The following ADCY5 variants were observed in gnomAD, a reference collection of about 807,000 sequenced individuals.
ADCY5 encodes adenylate cyclase 5, also known as adenylate cyclase type 5.
ADCY5 carries 30 observed loss-of-function variants against 119.7 expected under a neutral mutation model. The ratio of observed to expected loss-of-function variants is 0.25; its 90% confidence interval spans 0.19 to 0.34. The LOEUF is 0.34. ADCY5 is among the 10% of genes least tolerant of loss of function. The pLI, the probability that ADCY5 is intolerant of heterozygous loss-of-function variation, is 1.00. For synonymous variants in ADCY5, 753 were observed against 762.2 expected (o/e 0.99, Z 0.20); for missense variants, 1,324 against 1,775.2 (o/e 0.75, Z 4.57).
Position 123,330,979 on chromosome 3 carries a change from C to G in ADCY5, c.1556G>C (p.Cys519Ser). 1 of 1,614,002 alleles carries G rather than the reference C, an allele frequency of 6.2e-7. No homozygotes were observed. The highest frequency in any genetic ancestry group is 8.5e-7 in the Non-Finnish European group (1 of 1,179,874). The change falls in exon 5 of 21, where the codon TGT becomes TCT. Residue 519 changes from cysteine to serine, a missense_variant. By Grantham distance (112) the Cys-to-Ser change is moderately radical. Coordinates refer to ENST00000462833, the MANE Select transcript of ADCY5 (RefSeq NM_183357.3). ...HCLRIKILGD[C>S]YYCVSGLPEA... ...AGGCAGCCCCGAGACGCAGTAATAACAATCCCCAAGGATCTTAATACGTAA... is the reference window on the plus strand; with the variant it reads ...AGGCAGCCCCGAGACGCAGTAATAAGAATCCCCAAGGATCTTAATACGTAA...
chr3:123,438,353 CAT>C (rs1491081265), intron 1 of ADCY5, among the ~76,000 whole-genome samples: 5 of 152,126 alleles, frequency 3.3e-5, no homozygotes, highest in African/African-American at 4.8e-5. Flanking sequence ...TGACACACAC[CAT>C]GTGTGTGTAA....
intron 1 of ADCY5, among the ~76,000 whole-genome samples, chr3:123,356,353 G>C (rs1184310906): frequency 6.6e-6 from 1 of 152,142 alleles, no homozygotes; most frequent in Non-Finnish European, 1.5e-5. Flanking sequence ...TCAAGAATGT[G>C]AAAATACAAC....
chr3:123,336,166 C>T (rs984447345), intron 3 of ADCY5, among the ~76,000 whole-genome samples: 1 of 152,208 alleles, frequency 6.6e-6, no homozygotes, highest in African/African-American at 2.4e-5. Flanking sequence ...ACTATGCTGG[C>T]GTGTGCATGC....
intron 1 of ADCY5, among the ~76,000 whole-genome samples, chr3:123,401,661 G>C (rs1944757429): frequency 6.6e-6 from 1 of 152,112 alleles, no homozygotes; most frequent in African/African-American, 2.4e-5. Flanking sequence ...GAGAAGCTGG[G>C]ATCCCTCCTG....
At chr3:123,293,446 T>TA in intron 17 of ADCY5, among the ~76,000 whole-genome samples, 1 of 151,988 alleles carries the variant, frequency 6.6e-6, no homozygotes, top group South Asian at 2.1e-4. Context: ...GATGGGAAAA[T>TA]GAGGGACCTG....
chr3:123,330,055 C>A (rs912627820), intron 5 of ADCY5, among the ~76,000 whole-genome samples: 2 of 152,222 alleles, frequency 1.3e-5, no homozygotes, highest in African/African-American at 4.8e-5. Context: ...TGCCTTGTAT[C>A]TGAGCACCAG....
At chr3:123,368,752 C>CAAAA (rs34756449) in intron 1 of ADCY5, among the ~76,000 whole-genome samples, 1 of 134,234 alleles carries the variant, frequency 7.4e-6, no homozygotes. Flanking sequence ...ACTGTGTCTC[C>CAAAA]AAAAAAAAAA....
chr3:123,448,624 G>A lies in ADCY5; in HGVS notation c.-79C>T, dbSNP rs1945875223. ...GTCTCCAAGGGGAGGGCGGACGGCC[G>A]AGCAGGGGGACCAGGCTAGGGTCAC... is the stretch of plus-strand genomic sequence containing the variant. On this transcript the variant is annotated 5_prime_UTR_variant, in exon 1 of 21. Coordinates refer to ENST00000462833, the MANE Select transcript of ADCY5 (RefSeq NM_183357.3). 10 of 1,228,928 alleles carry A rather than the reference G, an allele frequency of 8.1e-6. No individual in the cohort carries two copies. The East Asian group carries it at 2.5e-4, about 31-fold the overall frequency. 76.1% of individuals were successfully genotyped at this position (1,228,928 alleles called of 1,614,324 possible).
intron 1 of ADCY5, among the ~76,000 whole-genome samples, chr3:123,427,406 C>T (rs552770228): frequency 6.2e-4 from 94 of 152,348 alleles, no homozygotes; most frequent in African/African-American, 2.2e-3. Context: ...CAGCCAGCCT[C>T]GCCTTTCCAC....
chr3:123,369,526 T>A (rs147018650), intron 1 of ADCY5, among the ~76,000 whole-genome samples: 31 of 152,310 alleles, frequency 2.0e-4, no homozygotes, highest in African/African-American at 7.0e-4. Flanking sequence ...TCCCTGTGAG[T>A]GTCTGGGAAC....
chr3:123,328,666 T>A lies in ADCY5; in HGVS notation c.1783A>T (p.Met595Leu). 6.2e-7 allele frequency: 1 copy of A among 1,614,082 alleles called. No homozygotes were observed. The highest frequency in any genetic ancestry group is 1.7e-5 in the Admixed American group (1 of 60,020). Residue 595 changes from methionine to leucine, a missense_variant, in exon 6 of 21, where the codon ATG (methionine) becomes TTG (leucine). Physicochemically the swap from Met to Leu is conservative, Grantham distance 15. Transcript: ENST00000462833. Reference protein sequence around the residue: ...WSNDVTLANHMEAGGKAGRIH... With the variant: ...WSNDVTLANHLEAGGKAGRIH... ...CACCCTGCCTTGCCGCCAGCCTCCA[T>A]GTGGTTGGCTAGCGTGACATCGTTA...
rs535350645 is a variant in ADCY5, at chr3:123,425,210, G to A, written c.1134+22202C>T. On this transcript the variant is annotated intron_variant, in intron 1 of 20. Transcript: ENST00000462833. ...CAGTTGGCCAGCCCTGTGTTCACAG[G>A]TCCAACCAGCCAAAGGAATGTTCTG... Among the ~76,000 whole-genome samples, 11 of 152,318 alleles carry A rather than the reference G, an allele frequency of 7.2e-5. No individual in the cohort carries two copies. In the South Asian group the frequency reaches 2.3e-3, roughly 32 times the overall value.
chr3:123,334,807 G>A (rs976745830), intron 3 of ADCY5, among the ~76,000 whole-genome samples: 2 of 152,154 alleles, frequency 1.3e-5, no homozygotes, highest in African/African-American at 4.8e-5. Context: ...TATGGGGTGG[G>A]TACAAAGTGA....
At chr3:123,345,751 CAGACAGACAGACAGACAG>C (rs1942505555) in intron 3 of ADCY5, among the ~76,000 whole-genome samples, 1 of 51,388 alleles carries the variant, frequency 1.9e-5, no homozygotes, top group African/African-American at 5.7e-5. Flanking sequence ...GACAGACAGA[CAGACAGACAGACAGACAG>C]ACACACACAC....
At chr3:123,424,370 G>A (rs780880559) in intron 1 of ADCY5, among the ~76,000 whole-genome samples, 1 of 152,230 alleles carries the variant, frequency 6.6e-6, no homozygotes, top group Non-Finnish European at 1.5e-5. Context: ...ACAAGATGGG[G>A]GTTTGGTGGG....
intron 1 of ADCY5, among the ~76,000 whole-genome samples, chr3:123,439,076 C>CCTTTTTTTTTTTTTTTT (rs141937415): frequency 6.2e-5 from 4 of 64,734 alleles, no homozygotes; most frequent in African/African-American, 1.9e-4. Flanking sequence ...CCCTAAAGTG[C>CCTTTTTTTTTTTTTTTT]TTTTTTTTTT....
rs1184825705 is a variant in ADCY5 at position 123,447,577 on chromosome 3, G to A, written c.969C>T (p.Arg323=). 1 of 1,608,432 alleles carries A rather than the reference G, an allele frequency of 6.2e-7. No homozygotes were observed. ...TCCACCAGATGCCCTCAGAGGCGCT[G>A]CGTGGCTGCGGCAGCAGCAGGCCCA... ...QVVGLLLPQP[R]SASEGIWWTV... The change falls in exon 1 of 21, where the codon CGC becomes CGT. Residue 323 remains arginine, a synonymous_variant. Coordinates refer to ENST00000462833, the MANE Select transcript of ADCY5 (RefSeq NM_183357.3).
intron 3 of ADCY5, 116 bp downstream of exon 3, chr3:123,347,666 C>T (rs921373954): frequency 1.4e-4 from 202 of 1,393,224 alleles, no homozygotes; most frequent in Non-Finnish European, 1.9e-4. Flanking sequence ...AGATGACACA[C>T]TCCAAAGTCA....
In ADCY5 at chr3:123,306,162, A is replaced by C. The variant is rs149109446; in HGVS notation, c.2443-1979T>G. 2.9e-3 allele frequency among the ~76,000 whole-genome samples: 443 copies of C among 152,380 alleles called. 6 individuals carry two copies. The highest frequency in any genetic ancestry group is 9.4e-3 in the African/African-American group (391 of 41,596). On this transcript the variant is annotated intron_variant, in intron 12 of 20. Transcript: ENST00000462833. Reference sequence around the variant, plus strand: ...GGAAAGGTGTGATCTGGAGAGCATAAGCTTGTATTAAAATCCTGCTTAATA... The same window carrying C: ...GGAAAGGTGTGATCTGGAGAGCATACGCTTGTATTAAAATCCTGCTTAATA...
Sources: allele counts gnomAD v4.1 joint callset (sites outside exome capture counted in the v4.1 genomes callset), GRCh38; gene constraint gnomAD v4.1.1; transcripts MANE v1.5; gene names NCBI Gene and HGNC (gene_info 2026-07-23, HGNC 2026-07-21).